Variants in SMAP2 observed in about 807,000 individuals in gnomAD.
SMAP2 encodes the protein small ArfGAP2.
A neutral mutation model predicts 56.4 loss-of-function variants in SMAP2; 25 were observed. The ratio of observed to expected loss-of-function variants is 0.44; its 90% CI spans 0.32 to 0.62. The LOEUF (loss-of-function observed/expected upper bound fraction) is 0.62, where lower values mean the gene tolerates loss of function less well. Among genes scored for constraint, SMAP2 ranks in the 20% least tolerant of loss-of-function variants. SMAP2 has a pLI of 0.04. For synonymous variants in SMAP2, 157 were observed against 181.7 expected (o/e 0.86, Z 1.09); for missense variants, 388 against 545.6 (o/e 0.71, Z 2.88).
In SMAP2 at chr1:40,418,807, C is replaced by T. The variant is rs563911754; in HGVS notation, c.1164+1711C>T. On this transcript the variant is annotated intron_variant, in intron 9 of 9. Coordinates refer to ENST00000372718, the MANE Select transcript of SMAP2 (RefSeq NM_022733.3). ...ACACAACAAGTATTTTACAACCAAG[C>T]CAGCCAAGCTATCCTTCAGGTATCA... Among the ~76,000 whole-genome samples, 19 of 152,240 alleles carry T rather than the reference C, an allele frequency of 1.2e-4. No homozygotes were observed. In the South Asian group the frequency reaches 3.3e-3, roughly 27 times the overall value.
chr1:40,414,267 T>C, intron 6 of SMAP2, 27 bp downstream of exon 6: 4 of 1,605,916 alleles, frequency 2.5e-6, no homozygotes, highest in Non-Finnish European at 3.4e-6. Flanking sequence ...TCAGCTTCCA[T>C]GTTCTTACAA....
rs377679107 is a variant in SMAP2, at chr1:40,416,985, G to T, written c.1053G>T (p.Pro351=). ...GGMQASMMGV[P]NGMMTTQQAG... ...TGCAGGCATCAATGATGGGTGTGCC[G>T]AATGGAATGATGACCACCCAGCAGG... The change falls in exon 9 of 10, where the codon CCG becomes CCT. Residue 351 remains proline (P), a synonymous_variant. Coordinates refer to ENST00000372718, the MANE Select transcript of SMAP2 (RefSeq NM_022733.3). 24 of 1,614,066 alleles carry T rather than the reference G, an allele frequency of 1.5e-5. No individual in the cohort carries two copies. The African/African-American group carries it at 2.7e-4, about 18-fold the overall frequency.
chr1:40,383,323 C>CT (rs1644617635), intron 1 of SMAP2, among the ~76,000 whole-genome samples: 1 of 152,176 alleles, frequency 6.6e-6, no homozygotes, highest in South Asian at 2.1e-4. Context: ...CTCCCTGCTC[C>CT]TGCCTCTTAT....
chr1:40,407,362 G>A (rs1644895207), intron 2 of SMAP2, among the ~76,000 whole-genome samples: 1 of 152,062 alleles, frequency 6.6e-6, no homozygotes, highest in African/African-American at 2.4e-5. Context: ...CTGGTGGTAC[G>A]TACCTGTAAT....
chr1:40,357,431 G>A (rs1440617275), intron 1 of SMAP2, among the ~76,000 whole-genome samples: 1 of 151,654 alleles, frequency 6.6e-6, no homozygotes, highest in Non-Finnish European at 1.5e-5. Flanking sequence ...CTCCAGCCTG[G>A]GCCACAGAGC....
intron 1 of SMAP2, among the ~76,000 whole-genome samples, chr1:40,383,232 G>C (rs1253040226): frequency 6.6e-6 from 1 of 152,220 alleles, no homozygotes; most frequent in Non-Finnish European, 1.5e-5. Flanking sequence ...GAGTGGTCTG[G>C]TGTGAGCGGA....
rs953567335 is a variant in SMAP2, at chr1:40,415,259, T to A, written c.572-13T>A. 6.9e-6 allele frequency: 11 copies of A among 1,596,264 alleles called. No individual in the cohort carries two copies. The highest frequency in any genetic ancestry group is 1.3e-5 in the African/African-American group (1 of 74,688). ...AAGCAGTGCTGCATCTTAACTTCGA[T>A]CTCTCTTTCTAGATGCTCCTGTGGC... On this transcript the variant is annotated splice_polypyrimidine_tract_variant and intron_variant, in intron 6 of 9. Coordinates refer to ENST00000372718, the MANE Select transcript of SMAP2 (RefSeq NM_022733.3).
chr1:40,390,360 C>T (rs1032263267), intron 1 of SMAP2, among the ~76,000 whole-genome samples: 11 of 152,152 alleles, frequency 7.2e-5, no homozygotes, highest in South Asian at 2.1e-4. Flanking sequence ...TGCTGAGTTG[C>T]GAAGAGAAAT....
chr1:40,394,769 GTA>G (rs1249169989), intron 1 of SMAP2, among the ~76,000 whole-genome samples: 3 of 152,062 alleles, frequency 2.0e-5, no homozygotes, highest in Non-Finnish European at 4.4e-5. Context: ...AATGAAAATT[GTA>G]TATGTTTACA....
At position 40,373,845 on chromosome 1, in the gene SMAP2, C is replaced by T. The variant is rs1011987729; in HGVS notation, c.-276C>T. 10 of 315,898 alleles carry T rather than the reference C, an allele frequency of 3.2e-5. No homozygotes were observed. Among genetic ancestry groups the T allele is most frequent in the Middle Eastern group, 1.8e-3 (2 of 1,082 alleles). 19.6% of individuals were successfully genotyped at this position (315,898 alleles called of 1,614,324 possible). A position where few individuals can be genotyped will look rare whatever the true frequency, so the allele number is the denominator to read the frequency against. On this transcript the variant is annotated 5_prime_UTR_variant, in exon 1 of 10. Coordinates refer to ENST00000372718, the MANE Select transcript of SMAP2 (RefSeq NM_022733.3). Reference sequence around the variant, plus strand: ...CGGCACCCAGGAGGCTCGTGGTCCGCCTTTGCCTGGGCTGAGGGTCTCTGG... The same window carrying T: ...CGGCACCCAGGAGGCTCGTGGTCCGTCTTTGCCTGGGCTGAGGGTCTCTGG...
chr1:40,383,323 C>G (rs915030688), intron 1 of SMAP2, among the ~76,000 whole-genome samples: 1 of 152,176 alleles, frequency 6.6e-6, no homozygotes, highest in Non-Finnish European at 1.5e-5. Flanking sequence ...CTCCCTGCTC[C>G]TGCCTCTTAT....
intron 9 of SMAP2, among the ~76,000 whole-genome samples, chr1:40,417,522 G>A (rs1407424653): frequency 6.6e-6 from 1 of 152,142 alleles, no homozygotes; most frequent in Non-Finnish European, 1.5e-5. Context: ...AGAAGATGGA[G>A]CAGGGGCCTA....
intron 6 of SMAP2, among the ~76,000 whole-genome samples, chr1:40,414,871 C>T (rs978899038): frequency 2.6e-5 from 4 of 152,208 alleles, no homozygotes; most frequent in African/African-American, 7.2e-5. Context: ...CTGATGGTTG[C>T]ACTTTGTTTC....
At chr1:40,397,390 C>T (rs1644782865) in intron 1 of SMAP2, among the ~76,000 whole-genome samples, 1 of 152,130 alleles carries the variant, frequency 6.6e-6, no homozygotes, top group Non-Finnish European at 1.5e-5. Flanking sequence ...TTGGTTTTTA[C>T]ACAACCTTAA....
intron 1 of SMAP2, among the ~76,000 whole-genome samples, chr1:40,350,585 C>A (rs919576398): frequency 4.6e-5 from 7 of 152,150 alleles, no homozygotes; most frequent in Non-Finnish European, 2.9e-5. Flanking sequence ...CAAATCTGGG[C>A]TGCTTCCTGT....
chr1:40,419,005 T>G (rs1208238394), intron 9 of SMAP2, among the ~76,000 whole-genome samples: 1 of 152,120 alleles, frequency 6.6e-6, no homozygotes, highest in Non-Finnish European at 1.5e-5. Context: ...AATCTAAGAC[T>G]AAAACAAAGG....
chr1:40,413,393 A>G (rs1224106970), intron 5 of SMAP2, among the ~76,000 whole-genome samples: 1 of 152,234 alleles, frequency 6.6e-6, no homozygotes, highest in Non-Finnish European at 1.5e-5. Flanking sequence ...GCTGAGGGAC[A>G]CCATCTGAGC....
At position 40,396,240 on chromosome 1, in the gene SMAP2, G is replaced by A. The variant is rs772396413; in HGVS notation, c.104-10496G>A. Among the ~76,000 whole-genome samples, 37 of 152,116 alleles carry A rather than the reference G, an allele frequency of 2.4e-4. 1 individual carries two copies. Among genetic ancestry groups the A allele is most frequent in the South Asian group, 2.1e-4 (1 of 4,830 alleles). ...TAGGAAGAGAGATTAATGGGACTCC[G>A]TATAAGGAAGGCCTCTCTAATAGTG... On this transcript the variant is annotated intron_variant, in intron 1 of 9. Coordinates refer to ENST00000372718, the MANE Select transcript of SMAP2 (RefSeq NM_022733.3).
At chr1:40,415,180 C>G in intron 6 of SMAP2, 92 bp from the exon 7 acceptor site, 1 of 940,448 alleles carries the variant, frequency 1.1e-6, no homozygotes, top group Non-Finnish European at 1.7e-6. Context: ...GGTCCATGAG[C>G]TTATGGGCCA....
Sources: gnomAD v4.1 joint callset for allele counts (sites outside exome capture counted in the v4.1 genomes callset) on GRCh38, gnomAD v4.1.1 for gene constraint, MANE v1.5 for transcripts, NCBI Gene and HGNC (gene_info 2026-07-23, HGNC 2026-07-21) for gene names.